The following IRAK1BP1 variants were observed in gnomAD, a reference collection of about 807,000 sequenced individuals.
IRAK1BP1 encodes interleukin-1 receptor-associated kinase 1-binding protein 1.
Under a neutral mutation model 28.0 loss-of-function variants are expected in IRAK1BP1, and 24 were observed. The observed-to-expected ratio is 0.86, with a 90% CI of 0.62 to 1.20. The LOEUF (loss-of-function observed/expected upper bound fraction) is 1.20. IRAK1BP1 is among the 50% of genes most tolerant of loss of function. IRAK1BP1 has a pLI of 0.00. For missense variants in IRAK1BP1, 336 were observed against 316.7 expected (o/e 1.06, Z -0.46); for synonymous variants, 131 against 116.3 (o/e 1.13, Z -0.81).
At position 78,867,569 on chromosome 6, in the gene IRAK1BP1, C is replaced by T. The variant is rs761634601; in HGVS notation, c.-8C>T. On this transcript the variant is annotated 5_prime_UTR_variant, in exon 1 of 4. Coordinates refer to ENST00000369940, the MANE Select transcript of IRAK1BP1 (RefSeq NM_001010844.4). ...GGTAGTTACTATGGAAACCCAGCTGCCATCGCTATGTCTCTGCAAAAGACC... is the reference window on the plus strand; with the variant it reads ...GGTAGTTACTATGGAAACCCAGCTGTCATCGCTATGTCTCTGCAAAAGACC... 15 of 1,610,752 alleles carry T rather than the reference C, an allele frequency of 9.3e-6. No homozygotes were observed. Among genetic ancestry groups the T allele is most frequent in the Middle Eastern group, 1.7e-4 (1 of 6,028 alleles).
the IRAK1BP1 span, among the ~76,000 whole-genome samples, chr6:78,972,317 C>T: frequency 6.6e-6 from 1 of 152,132 alleles, no homozygotes; most frequent in Non-Finnish European, 1.5e-5. Flanking sequence ...AGCTGAGGGT[C>T]CTGTCTGTTA....
chr6:78,902,054 T>C lies in IRAK1BP1; in HGVS notation c.*3720T>C. ...AAATGAAAGCAAATGCTTTATTTAT[T>C]CCAACAAAAAAAGACCTATATAAAT... On this transcript the variant is annotated 3_prime_UTR_variant, in exon 4 of 4. Coordinates refer to ENST00000369940, the MANE Select transcript of IRAK1BP1 (RefSeq NM_001010844.4). 1 of 152,304 alleles carries C rather than the reference T, an allele frequency of 6.6e-6. No homozygotes were observed. The highest frequency in any genetic ancestry group is 2.4e-5 in the African/African-American group (1 of 41,568). The allele number at this position is 152,304 out of a possible 1,614,324, so 9.4% of individuals were successfully genotyped here.
the IRAK1BP1 span, among the ~76,000 whole-genome samples, chr6:78,964,798 T>C: frequency 6.6e-6 from 1 of 152,302 alleles, no homozygotes; most frequent in East Asian, 1.9e-4. Flanking sequence ...CCCTGTAATA[T>C]ATTATTTTTT....
Position 78,899,064 on chromosome 6 carries a change from T to C in IRAK1BP1, c.*730T>C, listed in dbSNP as rs1278336105. 2 of 152,190 alleles carry C rather than the reference T, an allele frequency of 1.3e-5. No homozygotes were observed. The highest frequency in any genetic ancestry group is 4.8e-5 in the African/African-American group (2 of 41,432). 9.4% of individuals were successfully genotyped at this position (152,190 alleles called of 1,614,324 possible). On this transcript the variant is annotated 3_prime_UTR_variant, in exon 4 of 4. Coordinates refer to ENST00000369940, the MANE Select transcript of IRAK1BP1 (RefSeq NM_001010844.4). ...CAGGTCCCATGGGGGCAAAATGATA[T>C]GGCCATATGCAATATGGCTACATAT...
chr6:78,896,372 C>T (rs975823923), intron 2 of IRAK1BP1, among the ~76,000 whole-genome samples: 1 of 144,382 alleles, frequency 6.9e-6, no homozygotes, highest in Admixed American at 6.9e-5. Flanking sequence ...GATCATGTAA[C>T]GAATACTATT....
the IRAK1BP1 span, chr6:78,971,007 A>G: frequency 3.0e-6 from 2 of 658,606 alleles, no homozygotes; most frequent in South Asian, 1.9e-5. Flanking sequence ...AGAAATTCTA[A>G]TATTTTCTCC....
At chr6:78,958,866 G>A in the IRAK1BP1 span, among the ~76,000 whole-genome samples, 2 of 152,046 alleles carry the variant, frequency 1.3e-5, no homozygotes, top group Admixed American at 6.6e-5. Flanking sequence ...GAGGGAGAAC[G>A]TCTATATGGG....
the IRAK1BP1 span, chr6:78,961,863 C>A: frequency 7.1e-7 from 1 of 1,399,118 alleles, no homozygotes; most frequent in South Asian, 1.3e-5. Context: ...TAAAATAATT[C>A]AAGAAGAATT....
chr6:78,908,432 C>T (rs1210188802), intron 4 of IRAK1BP1, among the ~76,000 whole-genome samples: 1 of 152,180 alleles, frequency 6.6e-6, no homozygotes, highest in Non-Finnish European at 1.5e-5. Context: ...TCACTGTAAC[C>T]TTGAACACCA....
intron 4 of IRAK1BP1, among the ~76,000 whole-genome samples, chr6:78,915,348 A>G (rs1772532711): frequency 6.6e-6 from 1 of 152,236 alleles, no homozygotes; most frequent in Non-Finnish European, 1.5e-5. Context: ...AAAATGTTGC[A>G]TAGACCTCAT....
At position 78,867,881 on chromosome 6, in the gene IRAK1BP1, A is replaced by C. The variant is rs972295428; in HGVS notation, c.305A>C (p.Gln102Pro). 3.3e-5 allele frequency: 53 copies of C among 1,592,420 alleles called. No homozygotes were observed. The highest frequency in any genetic ancestry group is 4.4e-5 in the Non-Finnish European group (52 of 1,168,810). ...TACATCACGCAGAGCCTCCAGCAGCAGGGCGTGCAGGTGAGATCTCCGCGG... is the reference window on the plus strand; with the variant it reads ...TACATCACGCAGAGCCTCCAGCAGCCGGGCGTGCAGGTGAGATCTCCGCGG... ...LDYITQSLQQ[Q>P]GVQAENITVT... The change falls in exon 1 of 4, where the codon CAG (glutamine) becomes CCG (proline). Residue 102 changes from glutamine to proline, a missense_variant. By Grantham distance (76) the Gln-to-Pro change is moderately conservative (BLOSUM62 -1). Coordinates refer to ENST00000369940, the MANE Select transcript of IRAK1BP1 (RefSeq NM_001010844.4).
the IRAK1BP1 span, among the ~76,000 whole-genome samples, chr6:78,972,050 T>C: frequency 6.6e-6 from 1 of 152,084 alleles, no homozygotes; most frequent in Non-Finnish European, 1.5e-5. Flanking sequence ...CCTGCCTGCC[T>C]CTGTAGGCTC....
At chr6:78,883,035 T>A (rs1771286165) in intron 1 of IRAK1BP1, among the ~76,000 whole-genome samples, 1 of 152,100 alleles carries the variant, frequency 6.6e-6, no homozygotes, top group African/African-American at 2.4e-5. Context: ...GGTGGAAGGA[T>A]CACTTGAGGC....
chr6:78,947,817 C>A (rs1582085843), downstream of IRAK1BP1: 3 of 1,404,182 alleles, frequency 2.1e-6, no homozygotes, highest in African/African-American at 4.3e-5. Context: ...TATTACTACA[C>A]AAAGCATCAC....
downstream of IRAK1BP1, among the ~76,000 whole-genome samples, chr6:78,948,753 C>A (rs1773971978): frequency 6.6e-6 from 1 of 152,174 alleles, no homozygotes; most frequent in South Asian, 2.1e-4. Context: ...CTTGACCTCC[C>A]AAAGTGCTGG....
intron 4 of IRAK1BP1, chr6:78,939,063 ATAC>A (rs1047421897): frequency 8.6e-5 from 13 of 151,836 alleles, no homozygotes; most frequent in South Asian, 4.1e-4. Flanking sequence ...TCCTCAGAAA[ATAC>A]TACATTCTTT....
chr6:78,877,952 G>A (rs1052632774), intron 1 of IRAK1BP1, among the ~76,000 whole-genome samples: 4 of 151,054 alleles, frequency 2.6e-5, no homozygotes, highest in East Asian at 2.0e-4. Flanking sequence ...GAGGGGCTCC[G>A]CCATTGCTGA....
intron 4 of IRAK1BP1, among the ~76,000 whole-genome samples, chr6:78,930,796 G>C (rs1354323499): frequency 6.6e-6 from 1 of 151,912 alleles, no homozygotes; most frequent in African/African-American, 2.4e-5. Context: ...GGTGGTTGAG[G>C]TGGTGAGCGC....
At chr6:78,925,202 G>A (rs779102290) in intron 4 of IRAK1BP1, among the ~76,000 whole-genome samples, 115 of 152,234 alleles carry the variant, frequency 7.6e-4, no homozygotes, top group Middle Eastern at 3.4e-3. Flanking sequence ...ATAGCACTGG[G>A]AGATATACCT....
Sources: gnomAD v4.1 joint callset for allele counts (sites outside exome capture counted in the v4.1 genomes callset) on GRCh38, gnomAD v4.1.1 for gene constraint, MANE v1.5 for transcripts, NCBI Gene and HGNC (gene_info 2026-07-23, HGNC 2026-07-21) for gene names.